DCC: variants seen among roughly 807,000 people sequenced by gnomAD.
DCC encodes DCC netrin 1 receptor.
Under a neutral mutation model 172.5 loss-of-function variants are expected in DCC, and 58 were observed. That is an observed-to-expected ratio of 0.34 (90% CI 0.27 to 0.42). DCC has a LOEUF of 0.42. DCC is among the 10% of genes least tolerant of loss of function. The pLI is 1.00. For synonymous variants in DCC, 709 were observed against 644.5 expected (o/e 1.10, Z -1.52); for missense variants, 1,740 against 1,791.0 (o/e 0.97, Z 0.51).
chr18:52,411,534 C>T (rs1986842327), intron 1 of DCC, among the ~76,000 whole-genome samples: 2 of 152,156 alleles, frequency 1.3e-5, no homozygotes, highest in African/African-American at 4.8e-5. Context: ...TTTCTTTCTC[C>T]TAAGATTTCA....
chr18:53,256,410 C>A (rs1169987981), intron 12 of DCC, among the ~76,000 whole-genome samples: 1 of 152,078 alleles, frequency 6.6e-6, no homozygotes. Flanking sequence ...GGAAGGGATC[C>A]AGTTTCAGCT....
chr18:52,466,403 C>T (rs570137620), intron 1 of DCC, among the ~76,000 whole-genome samples: 28 of 152,128 alleles, frequency 1.8e-4, no homozygotes, highest in African/African-American at 6.5e-4. Flanking sequence ...GCATGGGAAA[C>T]TCGAAAAACA....
At chr18:53,157,273 G>C in intron 7 of DCC, 83 bp from the exon 8 acceptor site, 1 of 1,542,974 alleles carries the variant, frequency 6.5e-7, no homozygotes, top group Non-Finnish European at 8.9e-7. Context: ...GGAGATGCTT[G>C]CTAATAGGTT....
intron 1 of DCC, among the ~76,000 whole-genome samples, chr18:52,586,663 G>T (rs1447921140): frequency 6.6e-6 from 1 of 152,158 alleles, no homozygotes; most frequent in Non-Finnish European, 1.5e-5. Context: ...ACGGTGAGTG[G>T]TGCCACTTCT....
chr18:53,032,276 G>T (rs759122865), intron 5 of DCC, among the ~76,000 whole-genome samples: 9 of 152,080 alleles, frequency 5.9e-5, no homozygotes, highest in Non-Finnish European at 1.2e-4. Flanking sequence ...GGAGGAAAAA[G>T]AAGAAAATAT....
intron 12 of DCC, among the ~76,000 whole-genome samples, chr18:53,271,203 G>A (rs1325955388): frequency 6.6e-6 from 1 of 152,138 alleles, no homozygotes; most frequent in Non-Finnish European, 1.5e-5. Context: ...AAGTGCTATT[G>A]AAGGGAGGTT....
chr18:52,731,599 T>G (rs185543304), intron 1 of DCC, among the ~76,000 whole-genome samples: 66 of 152,308 alleles, frequency 4.3e-4, no homozygotes, highest in African/African-American at 1.5e-3. Context: ...AACCATACTA[T>G]ATTAATACAG....
At chr18:53,055,347 A>ATT (rs1457654825) in intron 5 of DCC, among the ~76,000 whole-genome samples, 1 of 152,126 alleles carries the variant, frequency 6.6e-6, no homozygotes, top group Non-Finnish European at 1.5e-5. Context: ...TTGGGCTTAC[A>ATT]CCTGTGTCAG....
At chr18:52,577,218 G>A (rs1428200291) in intron 1 of DCC, among the ~76,000 whole-genome samples, 1 of 152,212 alleles carries the variant, frequency 6.6e-6, no homozygotes, top group East Asian at 1.9e-4. Context: ...CATCCTTGCA[G>A]TCACCTGCAT....
rs561666350 is a variant in DCC at position 52,486,169 on chromosome 18, G to A, written c.91+145291G>A. Reference sequence around the variant, plus strand: ...CTTATTTTTCAAGATTATAGATACAGTTTAGATCACAGTATTTTAAACTTT... The same window carrying A: ...CTTATTTTTCAAGATTATAGATACAATTTAGATCACAGTATTTTAAACTTT... On this transcript the variant is annotated intron_variant, in intron 1 of 28. Transcript: ENST00000442544. 1.6e-4 allele frequency among the ~76,000 whole-genome samples: 24 copies of A among 152,128 alleles called. No homozygotes were observed. In the South Asian group the frequency reaches 4.6e-3, roughly 29 times the overall value.
chr18:52,418,838 T>TTTTCTTTCTTTC lies in DCC; in HGVS notation c.91+77972_91+77983dup, dbSNP rs1416079242. On this transcript the variant is annotated intron_variant, in intron 1 of 28. Coordinates refer to ENST00000442544, the MANE Select transcript of DCC (RefSeq NM_005215.4). ...AAACAGTATCCGAGATCCTTTTTCTTTTTCTTTCTTTCTTTCTTTCTTTTT... is the reference window on the plus strand; with the variant it reads ...AAACAGTATCCGAGATCCTTTTTCTTTTTCTTTCTTTCTTTCTTTCTTTCTTTCTTTCTTTTT... 2.9e-3 allele frequency among the ~76,000 whole-genome samples: 420 copies of TTTTCTTTCTTTC among 142,786 alleles called. 16 individuals carry two copies. Among genetic ancestry groups the TTTTCTTTCTTTC allele is most frequent in the Non-Finnish European group, 4.3e-3 (281 of 65,418 alleles). The allele number at this position is 142,786 out of a possible 152,430, so 93.7% of individuals were successfully genotyped here. A position where few individuals can be genotyped will look rare whatever the true frequency, so the allele number is the denominator to read the frequency against.
intron 2 of DCC, among the ~76,000 whole-genome samples, chr18:52,837,330 G>C (rs558648909): frequency 6.6e-6 from 1 of 152,284 alleles, no homozygotes; most frequent in South Asian, 2.1e-4. Context: ...CCAGAAAATG[G>C]GTTGTTAATT....
chr18:53,291,887 A>G (rs929572501), intron 12 of DCC, among the ~76,000 whole-genome samples: 3 of 152,164 alleles, frequency 2.0e-5, no homozygotes, highest in African/African-American at 7.2e-5. Context: ...GGGAACAACC[A>G]AATTGCTTTA....
intron 8 of DCC, among the ~76,000 whole-genome samples, chr18:53,166,280 T>C (rs2054920555): frequency 6.6e-6 from 1 of 152,128 alleles, no homozygotes; most frequent in Non-Finnish European, 1.5e-5. Context: ...AGATCATAAA[T>C]TCAGTTTCAG....
chr18:52,382,319 A>G (rs548262889), intron 1 of DCC, among the ~76,000 whole-genome samples: 1 of 152,282 alleles, frequency 6.6e-6, no homozygotes, highest in East Asian at 1.9e-4. Context: ...ACTTCTTTTG[A>G]CATATAATTG....
chr18:53,084,613 A>G (rs1372714431), intron 7 of DCC, among the ~76,000 whole-genome samples: 3 of 152,194 alleles, frequency 2.0e-5, no homozygotes, highest in Non-Finnish European at 4.4e-5. Flanking sequence ...CTTTGAAGAC[A>G]GAGCAAGGGC....
intron 26 of DCC, among the ~76,000 whole-genome samples, chr18:53,495,486 G>A (rs902521904): frequency 3.3e-5 from 5 of 151,810 alleles, no homozygotes; most frequent in African/African-American, 4.8e-5. Context: ...CGAGAGATCC[G>A]CTGATAGTCT....
chr18:52,487,185 G>A (rs765766522), intron 1 of DCC, among the ~76,000 whole-genome samples: 1 of 152,112 alleles, frequency 6.6e-6, no homozygotes, highest in Non-Finnish European at 1.5e-5. Context: ...TATAAGGTTA[G>A]TCTAGCAGTC....
At chr18:52,756,657 T>C (rs2037080366) in intron 2 of DCC, among the ~76,000 whole-genome samples, 1 of 152,236 alleles carries the variant, frequency 6.6e-6, no homozygotes, top group African/African-American at 2.4e-5. Context: ...ATTCCTTCCC[T>C]AACCCTTACC....
Sources: gnomAD v4.1 joint callset for allele counts (sites outside exome capture counted in the v4.1 genomes callset) on GRCh38, gnomAD v4.1.1 for gene constraint, MANE v1.5 for transcripts, NCBI Gene and HGNC (gene_info 2026-07-23, HGNC 2026-07-21) for gene names.